Variants in SCLT1 observed in about 807,000 individuals in gnomAD.
SCLT1 encodes sodium channel and clathrin linker 1, also known as sodium channel-associated protein 1.
SCLT1 carries 78 observed loss-of-function variants against 112.8 expected under a neutral mutation model. That is an observed-to-expected ratio of 0.69 (90% CI 0.58 to 0.83). SCLT1 has a LOEUF of 0.83. SCLT1 is among the 40% of genes least tolerant of loss of function. The pLI is 0.00. For synonymous variants in SCLT1, 257 were observed against 254.7 expected, an observed-to-expected ratio of 1.01 and a Z score of -0.09; for missense variants, 747 against 770.4, an observed-to-expected ratio of 0.97 and a Z score of 0.36.
chr4:128,921,372 A>AG (rs35926084), intron 18 of SCLT1, among the ~76,000 whole-genome samples: 110,577 of 151,970 alleles, frequency 0.73, 40,546 homozygotes, highest in African/African-American at 0.82. Flanking sequence ...AAAAGAACAA[A>AG]CTGGAGGCAC....
intron 18 of SCLT1, among the ~76,000 whole-genome samples, chr4:128,929,732 A>G (rs752512413): frequency 6.6e-6 from 1 of 152,368 alleles, no homozygotes; most frequent in African/African-American, 2.4e-5. Flanking sequence ...AGTGCAAAGT[A>G]TAATAGCAAG....
chr4:129,028,099 G>A (rs1310223188), intron 5 of SCLT1, among the ~76,000 whole-genome samples: 4 of 152,114 alleles, frequency 2.6e-5, no homozygotes, highest in Middle Eastern at 3.2e-3. Flanking sequence ...TGGCCAAACT[G>A]CCCAAGGTAA....
intron 8 of SCLT1, 35 bp downstream of exon 8, chr4:128,997,839 G>C: frequency 1.0e-6 from 1 of 971,980 alleles, no homozygotes. Context: ...TATTTATAGG[G>C]ACAATTTCTA....
At chr4:129,091,095 G>C (rs57211895) in intron 1 of SCLT1, among the ~76,000 whole-genome samples, 2,183 of 152,108 alleles carry the variant, frequency 0.014, 47 homozygotes, top group African/African-American at 0.044. Context: ...GAAGGCAAGT[G>C]ATCTATCTTT....
At chr4:128,994,626 C>T (rs902174129) in intron 8 of SCLT1, among the ~76,000 whole-genome samples, 4 of 152,090 alleles carry the variant, frequency 2.6e-5, no homozygotes, top group African/African-American at 9.7e-5. Context: ...TTTGCAATCC[C>T]ACCAAAAATG....
At chr4:129,042,920 A>G (rs1747834378) in intron 4 of SCLT1, among the ~76,000 whole-genome samples, 1 of 152,042 alleles carries the variant, frequency 6.6e-6, no homozygotes, top group Non-Finnish European at 1.5e-5. Context: ...TAAAAACACA[A>G]AAATCAGCTG....
intron 5 of SCLT1, among the ~76,000 whole-genome samples, chr4:129,005,040 G>GA (rs1253050394): frequency 2.0e-5 from 3 of 151,740 alleles, no homozygotes; most frequent in South Asian, 2.1e-4. Flanking sequence ...CAAGTCCTAT[G>GA]AAAAAAACCA....
intron 5 of SCLT1, among the ~76,000 whole-genome samples, chr4:129,029,569 C>T (rs1474406725): frequency 6.6e-6 from 1 of 151,550 alleles, no homozygotes. Context: ...GGAGATATAC[C>T]TAATGCTAAA....
intron 5 of SCLT1, among the ~76,000 whole-genome samples, chr4:129,005,427 A>G (rs1743908125): frequency 6.6e-6 from 1 of 152,192 alleles, no homozygotes; most frequent in South Asian, 2.1e-4. Flanking sequence ...GCTCATCATC[A>G]CTGGCCATCA....
intron 5 of SCLT1, among the ~76,000 whole-genome samples, chr4:129,014,959 A>G (rs1343715626): frequency 2.0e-5 from 3 of 151,874 alleles, no homozygotes; most frequent in Non-Finnish European, 2.9e-5. Flanking sequence ...TGCTGGCTTC[A>G]GGGAGGGGCA....
At chr4:128,899,998 A>G (rs1462293834) in intron 18 of SCLT1, among the ~76,000 whole-genome samples, 10 of 152,238 alleles carry the variant, frequency 6.6e-5, no homozygotes, top group East Asian at 1.9e-4. Context: ...AAGGAGAACT[A>G]CAAACCAGTG....
chr4:129,074,467 C>G, intron 2 of SCLT1, among the ~76,000 whole-genome samples: 1 of 152,100 alleles, frequency 6.6e-6, no homozygotes. Context: ...CAATCCTTTT[C>G]CATTTGCTAG....
At chr4:129,048,822 T>C (rs1438406172) in intron 2 of SCLT1, among the ~76,000 whole-genome samples, 4 of 152,054 alleles carry the variant, frequency 2.6e-5, no homozygotes, top group Non-Finnish European at 4.4e-5. Flanking sequence ...GGGCAAAGGA[T>C]ATGAACAGAC....
At chr4:129,028,650 T>C (rs531870457) in intron 5 of SCLT1, among the ~76,000 whole-genome samples, 10 of 152,198 alleles carry the variant, frequency 6.6e-5, no homozygotes, top group Admixed American at 2.0e-4. Context: ...CCAAAAGCAA[T>C]GGCAACAAAA....
intron 5 of SCLT1, among the ~76,000 whole-genome samples, chr4:129,029,365 A>G (rs1746472436): frequency 1.3e-5 from 2 of 152,206 alleles, no homozygotes; most frequent in South Asian, 4.2e-4. Flanking sequence ...TGATGAGTTC[A>G]TGTCCTTTGT....
chr4:128,921,676 C>A (rs1243125563), intron 18 of SCLT1, among the ~76,000 whole-genome samples: 1 of 152,108 alleles, frequency 6.6e-6, no homozygotes, highest in Non-Finnish European at 1.5e-5. Context: ...AAATGTAAAA[C>A]CTAAAACTAC....
In SCLT1 at chr4:128,897,504, A is replaced by C. The variant is rs989175880; in HGVS notation, c.1830-6367T>G. Among the ~76,000 whole-genome samples the C allele has an allele frequency of 2.5e-4, 37 of 146,912 alleles. No homozygotes were observed. The East Asian group carries it at 3.2e-3, about 13-fold the overall frequency. ...ATTTTGTCACCACCAGGCCTGCCTA[A>C]AAGAGCTCCTGAAGGAAGCACTAAA... On this transcript the variant is annotated intron_variant, in intron 18 of 20. Coordinates refer to ENST00000281142, the MANE Select transcript of SCLT1 (RefSeq NM_144643.4).
chr4:129,036,668 T>C (rs983151831), intron 5 of SCLT1: 2 of 151,702 alleles, frequency 1.3e-5, no homozygotes, highest in African/African-American at 2.4e-5. Context: ...TTTTGGAAAT[T>C]AGAAGGAAAG....
Position 128,969,485 on chromosome 4 carries a change from C to T in SCLT1, c.777+893G>A, listed in dbSNP as rs190912575. Among the ~76,000 whole-genome samples the T allele has an allele frequency of 1.7e-3, 256 of 152,008 alleles. 2 individuals are homozygous for T. Among genetic ancestry groups the T allele is most frequent in the East Asian group, 0.014 (72 of 5,168 alleles). On this transcript the variant is annotated intron_variant, in intron 10 of 20. Transcript: ENST00000281142. ...TACTTGGGAGGCTGAGGCAGGAGGA[C>T]GGCATGAACCCGGGAGGCAGAGCTG...
Sources: gnomAD v4.1 joint callset for allele counts (sites outside exome capture counted in the v4.1 genomes callset) on GRCh38, gnomAD v4.1.1 for gene constraint, MANE v1.5 for transcripts, NCBI Gene and HGNC (gene_info 2026-07-23, HGNC 2026-07-21) for gene names.